Variants in SON observed in about 807,000 individuals in gnomAD.
SON encodes the protein protein SON.
Under a neutral mutation model 173.3 loss-of-function variants are expected in SON, and 4 were observed. That is an observed-to-expected ratio of 0.02 (90% CI 0.01 to 0.05). The LOEUF (loss-of-function observed/expected upper bound fraction) is 0.05, where lower values mean the gene tolerates loss of function less well. Among genes scored for constraint, SON ranks in the 10% least tolerant of loss-of-function variants. The probability of loss-of-function intolerance (pLI) is 1.00; values close to 1 mark genes in which losing one functional copy is unlikely to be tolerated. For synonymous variants in SON, 1,190 were observed against 1,105.9 expected (o/e 1.08, Z -1.51); for missense variants, 2,626 against 3,055.3 (o/e 0.86, Z 3.31).
chr21:33,546,181 A>G, intron 1 of SON, 32 bp from the exon 2 acceptor site: 1 of 1,565,864 alleles, frequency 6.4e-7, no homozygotes, highest in Non-Finnish European at 8.7e-7. Flanking sequence ...ATGATAAAAT[A>G]TTAATGAATT....
intron 6 of SON, among the ~76,000 whole-genome samples, chr21:33,565,418 G>T (rs905327837): frequency 6.6e-6 from 1 of 152,180 alleles, no homozygotes; most frequent in East Asian, 1.9e-4. Flanking sequence ...GAAGGTTAAT[G>T]AGACAGTACT....
chr21:33,570,007 T>G (rs1343729271), intron 8 of SON: 1 of 154,112 alleles, frequency 6.5e-6, no homozygotes, highest in Non-Finnish European at 1.4e-5. Flanking sequence ...TGGGGGAGTC[T>G]TAGGTGGCTA....
Position 33,559,048 on chromosome 21 carries a change from T to C in SON, c.6322-182T>C, listed in dbSNP as rs2086021339. The C allele has an allele frequency of 2.2e-6, 1 of 458,134 alleles. No individual in the cohort carries two copies. The highest frequency in any genetic ancestry group is 2.0e-5 in the African/African-American group (1 of 48,918). 28.4% of individuals were successfully genotyped at this position (458,134 alleles called of 1,614,324 possible). On this transcript the variant is annotated intron_variant, in intron 4 of 11. Transcript: ENST00000356577. This position sits in a 1 kb window ranked among gnomAD's most constrained non-coding sequence, Gnocchi z 4.1. ...CATAGTAGGTGCTCAATAAATGTTG[T>C]TGACTGACTGACCAGCCAGAGTGTG...
intron 6 of SON, among the ~76,000 whole-genome samples, chr21:33,562,985 T>C (rs374385389): frequency 3.9e-4 from 59 of 152,332 alleles, no homozygotes; most frequent in African/African-American, 1.4e-3. Context: ...ATCTTTATGT[T>C]AAGCAGTTTA....
chr21:33,565,272 T>G (rs191249418), intron 6 of SON, among the ~76,000 whole-genome samples: 1 of 152,248 alleles, frequency 6.6e-6, no homozygotes, highest in Non-Finnish European at 1.5e-5. Flanking sequence ...GGATCAGGAG[T>G]TGGGATAGTG....
Position 33,575,908 on chromosome 21 carries a change from C to T in SON, c.7221+15C>T. Reference sequence around the variant, plus strand: ...TTCTCTTTAGGGTAAATATGAATTTCTGCATTAATTATATATATTTATTAA... The same window carrying T: ...TTCTCTTTAGGGTAAATATGAATTTTTGCATTAATTATATATATTTATTAA... On this transcript the variant is annotated intron_variant, in intron 11 of 11. Coordinates refer to ENST00000356577, the MANE Select transcript of SON (RefSeq NM_138927.4). 1 of 1,236,592 alleles carries T rather than the reference C, an allele frequency of 8.1e-7. No individual in the cohort carries two copies. Among genetic ancestry groups the T allele is most frequent in the Non-Finnish European group, 1.2e-6 (1 of 851,238 alleles). 76.6% of individuals were successfully genotyped at this position (1,236,592 alleles called of 1,614,324 possible). A position where few individuals can be genotyped will look rare whatever the true frequency, so the allele number is the denominator to read the frequency against.
At chr21:33,575,277 C>T (rs1026040847) in intron 9 of SON, among the ~76,000 whole-genome samples, 2 of 152,070 alleles carry the variant, frequency 1.3e-5, no homozygotes, top group Non-Finnish European at 2.9e-5. Context: ...CTCAGGAGAT[C>T]CACCCGCCTC....
rs577606453 is a variant in SON at position 33,543,876 on chromosome 21, C to T, written c.77+707C>T. ...TGTAGGTCTATTATTTTCTTGCTAC[C>T]CCTGCCCCAGTTGACACGCTATTTT... On this transcript the variant is annotated intron_variant, in intron 1 of 11. Coordinates refer to ENST00000356577, the MANE Select transcript of SON (RefSeq NM_138927.4). Among the ~76,000 whole-genome samples the T allele has an allele frequency of 2.6e-5, 4 of 151,882 alleles. No homozygotes were observed. The East Asian group carries it at 7.7e-4, about 29-fold the overall frequency.
In SON at chr21:33,550,551, G is replaced by T; in HGVS notation, c.1320G>T (p.Gly440=). 6.2e-7 allele frequency: 1 copy of T among 1,613,988 alleles called. No individual in the cohort carries two copies. The highest frequency in any genetic ancestry group is 8.5e-7 in the Non-Finnish European group (1 of 1,179,968). ...CGACAGCAGTGCCTGAGTTGCCAGG[G>T]CCCTCTGTGACACCAGTGCCACAGT... is the stretch of plus-strand genomic sequence containing the variant. The part of the protein sequence containing the change: ...PPATAVPELP[G]PSVTPVPQLS... The change falls in exon 3 of 12, where the codon GGG becomes GGT. Residue 440 remains glycine (G), a synonymous_variant. Coordinates refer to ENST00000356577, the MANE Select transcript of SON (RefSeq NM_138927.4).
At chr21:33,575,185 AC>A (rs1318731198) in intron 9 of SON, among the ~76,000 whole-genome samples, 1 of 151,712 alleles carries the variant, frequency 6.6e-6, no homozygotes, top group African/African-American at 2.4e-5. Context: ...ACAGGCGCGC[AC>A]CACCACGCCC....
Position 33,550,528 on chromosome 21 carries a change from A to G in SON, c.1297A>G (p.Thr433Ala), listed in dbSNP as rs775322198. The G allele has an allele frequency of 3.1e-6, 5 of 1,613,388 alleles. No individual in the cohort carries two copies. In the South Asian group the frequency reaches 5.5e-5, roughly 18 times the overall value. Reference protein sequence around the residue: ...PVPELPGPPATAVPELPGPSV... With the variant: ...PVPELPGPPAAAVPELPGPSV... ...GCCTGAGTTGCCAGGGCCCCCTGCG[A>G]CAGCAGTGCCTGAGTTGCCAGGGCC... The change falls in exon 3 of 12, where the codon ACA (threonine) becomes GCA (alanine). Residue 433 changes from threonine to alanine, a missense_variant. Thr to Ala is a moderately conservative substitution (Grantham distance 58). Coordinates refer to ENST00000356577, the MANE Select transcript of SON (RefSeq NM_138927.4).
chr21:33,543,531 C>G, intron 1 of SON: 1 of 124,362 alleles, frequency 8.0e-6, no homozygotes, highest in Non-Finnish European at 1.3e-5. Flanking sequence ...CGCCGCGTAT[C>G]CCCTCCCCCT....
Position 33,557,138 on chromosome 21 carries a change from G to C in SON, c.6161-18G>C. Reference sequence around the variant, plus strand: ...CAGTCTTTTAGGAAAACTGCAGCTTGTATTTTTCTTCTTACAGATAAGGCT... The same window carrying C: ...CAGTCTTTTAGGAAAACTGCAGCTTCTATTTTTCTTCTTACAGATAAGGCT... On this transcript the variant is annotated intron_variant, in intron 3 of 11. Transcript: ENST00000356577. 1 of 1,598,684 alleles carries C rather than the reference G, an allele frequency of 6.3e-7. No individual in the cohort carries two copies. Among genetic ancestry groups the C allele is most frequent in the Non-Finnish European group, 8.5e-7 (1 of 1,176,070 alleles).
chr21:33,559,760 C>T lies in SON; in HGVS notation c.6642C>T (p.Ser2214=), dbSNP rs377435132. The T allele has an allele frequency of 3.1e-6, 5 of 1,613,654 alleles. No homozygotes were observed. The South Asian group carries it at 3.3e-5, about 11-fold the overall frequency. ...AAGATGATGATAATGTTTTCAGCAG[C>T]AATTTGCCCTCAGAGGTAAGTAGGA... ...ENKDDDNVFS[S]NLPSEPVDIS... The change falls in exon 6 of 12, where the codon AGC becomes AGT. Residue 2214 remains serine, a synonymous_variant. Transcript: ENST00000356577. This position sits in a 1 kb window ranked among gnomAD's most constrained non-coding sequence, Gnocchi z 4.1.
rs981653190 is a variant in SON, at chr21:33,575,846, T to C, written c.7174T>C (p.Leu2392=). The C allele has an allele frequency of 4.3e-6, 7 of 1,611,676 alleles. No homozygotes were observed. In the African/African-American group the frequency reaches 5.3e-5, roughly 12 times the overall value. Residue 2392 remains leucine (L), a synonymous_variant, in exon 11 of 12, where the codon TTG becomes CTG. Coordinates refer to ENST00000356577, the MANE Select transcript of SON (RefSeq NM_138927.4). ...KRRWQPPEFL[L]VHDSGPDHRK... ...AAGGTGGCAACCACCTGAATTTCTA[T>C]TGGTCCATGATAGTGGCCCTGATCA...
At chr21:33,565,080 G>T (rs1433010827) in intron 6 of SON, among the ~76,000 whole-genome samples, 1 of 152,126 alleles carries the variant, frequency 6.6e-6, no homozygotes, top group Non-Finnish European at 1.5e-5. Context: ...AAGATTTGAA[G>T]AGTTTCATTC....
At chr21:33,572,621 C>T (rs1191349291) in intron 8 of SON, 7 of 1,302,212 alleles carry the variant, frequency 5.4e-6, no homozygotes, top group Middle Eastern at 2.1e-4. Flanking sequence ...CTGCTGCTAC[C>T]GAGGCCTAGG....
At chr21:33,564,808 C>A (rs554047675) in intron 6 of SON, among the ~76,000 whole-genome samples, 1 of 147,380 alleles carries the variant, frequency 6.8e-6, no homozygotes, top group East Asian at 2.0e-4. Context: ...TTGCAGTGAG[C>A]CAAGACTGTG....
intron 11 of SON, 134 bp from the exon 12 acceptor site, chr21:33,576,231 G>A: frequency 1.6e-6 from 1 of 634,476 alleles, no homozygotes; most frequent in Admixed American, 2.6e-5. Flanking sequence ...TCTTCGGGTT[G>A]AGATTATAAT....
Sources: allele counts gnomAD v4.1 joint callset (sites outside exome capture counted in the v4.1 genomes callset), GRCh38; gene constraint gnomAD v4.1.1; non-coding constraint Gnocchi (gnomAD v3.1); transcripts MANE v1.5; gene names NCBI Gene and HGNC (gene_info 2026-07-23, HGNC 2026-07-21).